ROBO2: variants seen among roughly 807,000 people sequenced by gnomAD.
ROBO2 encodes the protein roundabout guidance receptor 2, also known as roundabout homolog 2.
ROBO2 carries 53 observed loss-of-function variants against 160.8 expected under a neutral mutation model. The ratio of observed to expected loss-of-function variants is 0.33; its 90% CI spans 0.26 to 0.41. The LOEUF (loss-of-function observed/expected upper bound fraction) is 0.41. Ranked by LOEUF, ROBO2 falls within the 10% of genes least tolerant of loss-of-function variation. The pLI, the probability that ROBO2 is intolerant of heterozygous loss-of-function variation, is 1.00. For missense variants in ROBO2, 1,577 were observed against 1,722.4 expected (o/e 0.92, Z 1.49); for synonymous variants, 664 against 611.7 (o/e 1.09, Z -1.26).
intron 2 of ROBO2, among the ~76,000 whole-genome samples, chr3:76,707,331 A>G (rs1357453137): frequency 6.6e-6 from 1 of 152,102 alleles, no homozygotes; most frequent in East Asian, 1.9e-4. Context: ...TCCTTTGGCC[A>G]TTATTGGTTA....
rs188855342 is a variant in ROBO2, at chr3:76,039,007, A to G, written c.109+101405A>G. Among the ~76,000 whole-genome samples, 8 of 152,094 alleles carry G rather than the reference A, an allele frequency of 5.3e-5. No individual in the cohort carries two copies. The East Asian group carries it at 1.5e-3, about 29-fold the overall frequency. Reference sequence around the variant, plus strand: ...GGGAGACTTAGGATTGGTAATGTTGACAATCTTACTGAAGAGTTTAGAAGG... The same window carrying G: ...GGGAGACTTAGGATTGGTAATGTTGGCAATCTTACTGAAGAGTTTAGAAGG... On this transcript the variant is annotated intron_variant, in intron 2 of 26. Coordinates refer to the ROBO2 transcript ENST00000487694.
At chr3:76,901,178 C>G (rs1448034319) in intron 2 of ROBO2, among the ~76,000 whole-genome samples, 2 of 152,054 alleles carry the variant, frequency 1.3e-5, no homozygotes, top group African/African-American at 2.4e-5. Context: ...AATTGCAACA[C>G]TCCCAGTATT....
At chr3:76,443,240 C>T (rs539089619) in intron 2 of ROBO2, among the ~76,000 whole-genome samples, 3 of 152,196 alleles carry the variant, frequency 2.0e-5, no homozygotes, top group Admixed American at 2.0e-4. Context: ...CAGAGCAACC[C>T]CCATGACCCA....
chr3:77,029,917 AC>A (rs1367605444), intron 2 of ROBO2, among the ~76,000 whole-genome samples: 1 of 152,046 alleles, frequency 6.6e-6, no homozygotes, highest in Admixed American at 6.6e-5. Context: ...GAACTATATA[AC>A]GAAAAGATTA....
At chr3:76,742,325 T>G (rs2093815632) in intron 2 of ROBO2, among the ~76,000 whole-genome samples, 1 of 152,166 alleles carries the variant, frequency 6.6e-6, no homozygotes, top group South Asian at 2.1e-4. Context: ...TCTTGCATTC[T>G]TATAATTTAG....
chr3:76,748,597 T>A (rs2608150), intron 2 of ROBO2, among the ~76,000 whole-genome samples: 25,820 of 151,568 alleles, frequency 0.17, 2,505 homozygotes, highest in Non-Finnish European at 0.22. Flanking sequence ...ATTATTAATA[T>A]GGAAGTAATT....
At chr3:77,422,246 G>C (rs551991491) in intron 2 of ROBO2, among the ~76,000 whole-genome samples, 3 of 152,192 alleles carry the variant, frequency 2.0e-5, no homozygotes, top group Non-Finnish European at 4.4e-5. Context: ...GGGGATTAGC[G>C]GTTCCTTTTG....
intron 2 of ROBO2, among the ~76,000 whole-genome samples, chr3:77,355,635 ATAATT>A (rs1287575256): frequency 1.3e-5 from 2 of 152,186 alleles, no homozygotes; most frequent in Non-Finnish European, 2.9e-5. Flanking sequence ...CTTAGGAAAA[ATAATT>A]TCAAAACATT....
intron 2 of ROBO2, among the ~76,000 whole-genome samples, chr3:76,662,988 G>T (rs1325073446): frequency 3.9e-5 from 6 of 152,176 alleles, no homozygotes; most frequent in Non-Finnish European, 5.9e-5. Context: ...TTTATATATA[G>T]CATCCTAACA....
At chr3:76,597,513 C>A (rs561907659) in intron 2 of ROBO2, among the ~76,000 whole-genome samples, 4 of 152,028 alleles carry the variant, frequency 2.6e-5, no homozygotes, top group South Asian at 4.1e-4. Context: ...AGATATTCAA[C>A]ATCTTGTCAT....
At chr3:77,162,979 G>A (rs747267561) in intron 2 of ROBO2, among the ~76,000 whole-genome samples, 5 of 148,142 alleles carry the variant, frequency 3.4e-5, no homozygotes, top group African/African-American at 5.0e-5. Flanking sequence ...ACAAGCATGC[G>A]CCACCATGCC....
At chr3:77,026,760 T>A (rs1391655495) in intron 2 of ROBO2, among the ~76,000 whole-genome samples, 1 of 152,214 alleles carries the variant, frequency 6.6e-6, no homozygotes, top group East Asian at 1.9e-4. Context: ...CAGATGATAT[T>A]CATATCATAT....
At chr3:76,258,477 G>A (rs191083629) in intron 2 of ROBO2, among the ~76,000 whole-genome samples, 18 of 151,904 alleles carry the variant, frequency 1.2e-4, no homozygotes, top group Admixed American at 4.6e-4. Context: ...AAACTTTTAC[G>A]TAACTTATAA....
intron 2 of ROBO2, among the ~76,000 whole-genome samples, chr3:76,236,812 A>C (rs1704973975): frequency 6.6e-6 from 1 of 152,138 alleles, no homozygotes; most frequent in Admixed American, 6.5e-5. Context: ...TTCAAGAAGA[A>C]ATATCAAATT....
intron 2 of ROBO2, among the ~76,000 whole-genome samples, chr3:76,763,757 G>A (rs1196530382): frequency 6.6e-6 from 1 of 151,612 alleles, no homozygotes; most frequent in African/African-American, 2.4e-5. Context: ...CTGTGGAATC[G>A]TATTCAGTGG....
chr3:76,106,267 T>G (rs983704835), intron 2 of ROBO2, among the ~76,000 whole-genome samples: 8 of 152,122 alleles, frequency 5.3e-5, no homozygotes, highest in African/African-American at 1.9e-4. Context: ...GCATGTTTTT[T>G]ACCTGCAACA....
intron 1 of ROBO2, among the ~76,000 whole-genome samples, chr3:77,074,746 A>G (rs1318272787): frequency 6.6e-6 from 1 of 152,114 alleles, no homozygotes; most frequent in Admixed American, 6.5e-5. Context: ...TGATGAATGA[A>G]TGAATGAATG....
intron 2 of ROBO2, among the ~76,000 whole-genome samples, chr3:76,158,818 C>CT (rs1205504669): frequency 6.6e-6 from 1 of 152,142 alleles, no homozygotes; most frequent in Non-Finnish European, 1.5e-5. Flanking sequence ...CTGAGTCAAA[C>CT]TATCATGGGG....
intron 2 of ROBO2, among the ~76,000 whole-genome samples, chr3:76,554,504 A>G (rs1390471671): frequency 1.3e-5 from 2 of 152,162 alleles, no homozygotes; most frequent in Middle Eastern, 3.2e-3. Flanking sequence ...ACACTTAATG[A>G]TGTCTTACCA....
Sources: allele counts gnomAD v4.1 joint callset (sites outside exome capture counted in the v4.1 genomes callset), GRCh38; gene constraint gnomAD v4.1.1; transcripts MANE v1.5; gene names NCBI Gene and HGNC (gene_info 2026-07-23, HGNC 2026-07-21).